The following ITGA8 variants were observed in gnomAD, a reference collection of about 807,000 sequenced individuals.
ITGA8 encodes the protein integrin alpha-8.
A neutral mutation model predicts 142.3 loss-of-function variants in ITGA8; 91 were observed. The observed-to-expected ratio is 0.64, with a 90% CI of 0.54 to 0.76. ITGA8 has a LOEUF of 0.76. Among genes scored for constraint, ITGA8 ranks in the 30% least tolerant of loss-of-function variants. ITGA8 has a pLI of 0.00. For missense variants in ITGA8, 1,406 were observed against 1,327.7 expected (o/e 1.06, Z -0.92); for synonymous variants, 505 against 485.2 (o/e 1.04, Z -0.54).
intron 25 of ITGA8, among the ~76,000 whole-genome samples, chr10:15,558,746 C>T (rs1312614754): frequency 2.6e-5 from 4 of 152,284 alleles, no homozygotes; most frequent in East Asian, 3.9e-4. Flanking sequence ...AATGACTTTT[C>T]GAAAGTCTGC....
At chr10:15,553,699 A>G (rs1019724304) in intron 26 of ITGA8, among the ~76,000 whole-genome samples, 6 of 152,138 alleles carry the variant, frequency 3.9e-5, no homozygotes, top group South Asian at 2.1e-4. Flanking sequence ...GCTCTTGGCT[A>G]TGACTAAAAA....
chr10:15,597,091 A>G (rs1019573491), intron 21 of ITGA8, 116 bp downstream of exon 21: 1 of 764,666 alleles, frequency 1.3e-6, no homozygotes, highest in Non-Finnish European at 2.3e-6. Flanking sequence ...TTTCCTGCCT[A>G]ATTTGTTGTT....
chr10:15,698,028 A>T (rs942649278), intron 2 of ITGA8, among the ~76,000 whole-genome samples: 30 of 152,240 alleles, frequency 2.0e-4, no homozygotes, highest in Admixed American at 1.3e-4. Context: ...CGTACACTGT[A>T]CCCAATGTGT....
chr10:15,614,306 G>T (rs765081443), intron 14 of ITGA8, among the ~76,000 whole-genome samples: 4 of 152,156 alleles, frequency 2.6e-5, no homozygotes, highest in East Asian at 1.9e-4. Context: ...ACGAAGCAGG[G>T]TTTGCAGAAT....
At chr10:15,642,118 C>A (rs879032057) in intron 13 of ITGA8, among the ~76,000 whole-genome samples, 1 of 152,022 alleles carries the variant, frequency 6.6e-6, no homozygotes, top group South Asian at 2.1e-4. Context: ...CAGAGTAAGA[C>A]TCCGTCTCAG....
rs754556779 is a variant in ITGA8 at position 15,607,832 on chromosome 10, C to A, written c.1610-1G>T. 5 of 1,611,044 alleles carry A rather than the reference C, an allele frequency of 3.1e-6. No homozygotes were observed. Among genetic ancestry groups the A allele is most frequent in the Non-Finnish European group, 4.2e-6 (5 of 1,178,382 alleles). On this transcript the variant is annotated splice_acceptor_variant, in intron 16 of 29. Transcript: ENST00000378076. LOFTEE classifies it high-confidence loss of function. Reference sequence around the variant, plus strand: ...TCTAATTGCACCTCTGCCATCAAGACTAAAGGACAGAAGTAAAGTAGAGAA... The same window carrying A: ...TCTAATTGCACCTCTGCCATCAAGAATAAAGGACAGAAGTAAAGTAGAGAA...
At chr10:15,595,439 G>A (rs1196510831) in intron 21 of ITGA8, among the ~76,000 whole-genome samples, 1 of 152,120 alleles carries the variant, frequency 6.6e-6, no homozygotes, top group Non-Finnish European at 1.5e-5. Flanking sequence ...AGATAAGAAA[G>A]CTATTAGGTT....
At chr10:15,622,592 CAAAACAAAACA>C (rs879520252) in intron 13 of ITGA8, among the ~76,000 whole-genome samples, 195 of 21,840 alleles carry the variant, frequency 8.9e-3, no homozygotes, top group Non-Finnish European at 0.02. Context: ...CAAAACAAAA[CAAAACAAAACA>C]AAAAAAAAAC....
At chr10:15,588,619 T>C (rs1456548812) in intron 22 of ITGA8, among the ~76,000 whole-genome samples, 1 of 152,250 alleles carries the variant, frequency 6.6e-6, no homozygotes, top group African/African-American at 2.4e-5. Flanking sequence ...CCAGACTTTT[T>C]TCTATTTCTA....
chr10:15,637,806 G>GT (rs5783461), intron 13 of ITGA8, among the ~76,000 whole-genome samples: 89 of 148,616 alleles, frequency 6.0e-4, no homozygotes, highest in African/African-American at 2.1e-3. Flanking sequence ...AACTTTAAAA[G>GT]TTTTTTTTTT....
chr10:15,706,980 C>G (rs189064877), intron 2 of ITGA8, among the ~76,000 whole-genome samples: 1 of 152,334 alleles, frequency 6.6e-6, no homozygotes, highest in African/African-American at 2.4e-5. Flanking sequence ...TCTCCAGACT[C>G]TAACACTGAC....
Position 15,678,790 on chromosome 10 carries a change from C to G in ITGA8, c.569-7G>C. ...CCTTCCGGATCAGCATTGCCTAGAA[C>G]GATCAAAATACATAAATGTTATAAC... On this transcript the variant is annotated splice_region_variant and splice_polypyrimidine_tract_variant and intron_variant, in intron 4 of 29. Transcript: ENST00000378076. 6.4e-7 allele frequency: 1 copy of G among 1,572,226 alleles called. No individual in the cohort carries two copies. Among genetic ancestry groups the G allele is most frequent in the Non-Finnish European group, 8.7e-7 (1 of 1,144,632 alleles).
intron 25 of ITGA8, among the ~76,000 whole-genome samples, chr10:15,560,052 G>A (rs1171951435): frequency 1.3e-5 from 2 of 152,098 alleles, no homozygotes; most frequent in Non-Finnish European, 2.9e-5. Context: ...GGCCGAGTCA[G>A]GAGGATCTTG....
At chr10:15,666,314 C>G (rs1222522134) in intron 8 of ITGA8, among the ~76,000 whole-genome samples, 2 of 151,882 alleles carry the variant, frequency 1.3e-5, no homozygotes, top group African/African-American at 4.8e-5. Context: ...ATTTGGCTCT[C>G]TGTTTGTCTG....
In ITGA8 at chr10:15,536,766, G is replaced by A. The variant is rs139139278; in HGVS notation, c.2881-5615C>T. 1.4e-4 allele frequency among the ~76,000 whole-genome samples: 22 copies of A among 152,274 alleles called. No homozygotes were observed. In the East Asian group the frequency reaches 4.2e-3, roughly 29 times the overall value. ...AACCATGGTTTGTAGCTCACTGGCT[G>A]TCTCTATCATGCACTTTTGCACAAT... On this transcript the variant is annotated intron_variant, in intron 27 of 29. Transcript: ENST00000378076.
chr10:15,563,924 A>C (rs1440372162), intron 25 of ITGA8, among the ~76,000 whole-genome samples: 1 of 128,034 alleles, frequency 7.8e-6, no homozygotes, highest in Non-Finnish European at 1.7e-5. Context: ...TCTCCAAAAA[A>C]AAAAAAAACA....
chr10:15,551,751 G>A (rs1270477325), intron 26 of ITGA8, among the ~76,000 whole-genome samples: 1 of 152,112 alleles, frequency 6.6e-6, no homozygotes, highest in Admixed American at 6.5e-5. Context: ...AAACGTAGGA[G>A]GTCTTATTTC....
chr10:15,601,489 T>TG (rs1192759792), intron 20 of ITGA8, among the ~76,000 whole-genome samples: 1 of 152,168 alleles, frequency 6.6e-6, no homozygotes, highest in Non-Finnish European at 1.5e-5. Flanking sequence ...GGTCTGGAGA[T>TG]GGACAGTGCT....
At chr10:15,655,273 G>A in intron 11 of ITGA8, 81 bp downstream of exon 11, 1 of 926,784 alleles carries the variant, frequency 1.1e-6, no homozygotes, top group East Asian at 2.6e-5. Context: ...AATAAGGAAG[G>A]GTGTATTTTG....
Sources: allele counts gnomAD v4.1 joint callset (sites outside exome capture counted in the v4.1 genomes callset), GRCh38; gene constraint gnomAD v4.1.1; transcripts MANE v1.5; gene names NCBI Gene and HGNC (gene_info 2026-07-23, HGNC 2026-07-21).